Variants in CSMD1 observed in about 807,000 individuals in gnomAD.
CSMD1 encodes the protein CUB and sushi domain-containing protein 1.
A neutral mutation model predicts 417.5 loss-of-function variants in CSMD1; 213 were observed. That is an observed-to-expected ratio of 0.51 (90% confidence interval 0.46 to 0.57). The LOEUF (loss-of-function observed/expected upper bound fraction) is 0.57, where lower values mean the gene tolerates loss of function less well. CSMD1 is among the 20% of genes least tolerant of loss of function. The pLI is 0.00. For missense variants in CSMD1, 6,923 were observed against 4,529.7 expected, an observed-to-expected ratio of 1.53 and a Z score of -15.17; for synonymous variants, 2,862 against 1,736.8, an observed-to-expected ratio of 1.65 and a Z score of -16.11.
At chr8:3,885,998 T>C (rs1030214593) in intron 5 of CSMD1, among the ~76,000 whole-genome samples, 1 of 151,484 alleles carries the variant, frequency 6.6e-6, no homozygotes, top group Non-Finnish European at 1.5e-5. Context: ...TATATATATG[T>C]GTACATATAT....
At chr8:4,703,941 G>C (rs1005577660) in intron 1 of CSMD1, among the ~76,000 whole-genome samples, 1 of 152,116 alleles carries the variant, frequency 6.6e-6, no homozygotes, top group Non-Finnish European at 1.5e-5. Context: ...CTCACAAGTA[G>C]CACACAACCT....
chr8:2,955,448 G>C (rs1802929747), intron 64 of CSMD1, 141 bp downstream of exon 64: 1 of 700,388 alleles, frequency 1.4e-6, no homozygotes. Flanking sequence ...TCACGCACAT[G>C]AAGCACGACT....
At chr8:4,523,944 G>T (rs918480106) in intron 2 of CSMD1, among the ~76,000 whole-genome samples, 1 of 152,056 alleles carries the variant, frequency 6.6e-6, no homozygotes, top group South Asian at 2.1e-4. Flanking sequence ...CTCTGTGAAA[G>T]TCCAGGTGTT....
At chr8:4,454,202 C>G (rs1438296394) in intron 2 of CSMD1, among the ~76,000 whole-genome samples, 1 of 152,090 alleles carries the variant, frequency 6.6e-6, no homozygotes, top group African/African-American at 2.4e-5. Flanking sequence ...CATTAAAACT[C>G]CGTGTCTCCT....
chr8:3,915,847 C>A (rs369472987), intron 5 of CSMD1, among the ~76,000 whole-genome samples: 9 of 147,208 alleles, frequency 6.1e-5, no homozygotes, highest in African/African-American at 2.3e-4. Context: ...ACATATCACC[C>A]CAACTAGAAA....
chr8:4,220,378 C>G (rs1800954837), intron 3 of CSMD1, among the ~76,000 whole-genome samples: 1 of 152,134 alleles, frequency 6.6e-6, no homozygotes. Flanking sequence ...TGAGGAGGAC[C>G]CACAGAGGCC....
At chr8:4,307,351 C>A (rs560306124) in intron 3 of CSMD1, among the ~76,000 whole-genome samples, 2 of 152,216 alleles carry the variant, frequency 1.3e-5, no homozygotes, top group South Asian at 2.1e-4. Context: ...TGAGTCAGAG[C>A]AATGGGAGAG....
rs368382333 is a variant in CSMD1, at chr8:2,974,551, G to C, written c.8640C>G (p.Val2880=). The C allele has an allele frequency of 1.2e-6, 2 of 1,613,354 alleles. No homozygotes were observed. The highest frequency in any genetic ancestry group is 2.2e-5 in the South Asian group (2 of 90,872). ...LTGELFTYGA[V]VHYSCRGSES... ...CGCTCCCTCTGCAGGAGTAGTGCAC[G>C]ACGGCGCCATAGGTAAACAGCTCTC... The change falls in exon 56 of 70, where the codon GTC becomes GTG. Residue 2880 remains valine, a synonymous_variant. Transcript: ENST00000635120.
intron 3 of CSMD1, among the ~76,000 whole-genome samples, chr8:4,074,517 G>A (rs187085946): frequency 6.6e-6 from 1 of 152,050 alleles, no homozygotes. Flanking sequence ...TACAAAACAT[G>A]ATATTTGAGA....
chr8:4,449,252 C>T (rs545148833), intron 2 of CSMD1, among the ~76,000 whole-genome samples: 19 of 152,274 alleles, frequency 1.2e-4, no homozygotes, highest in African/African-American at 4.6e-4. Flanking sequence ...TATTCACACT[C>T]AGGTTGTAAC....
chr8:4,476,677 G>C (rs991960383), intron 2 of CSMD1, among the ~76,000 whole-genome samples: 1 of 152,096 alleles, frequency 6.6e-6, no homozygotes, highest in African/African-American at 2.4e-5. Flanking sequence ...TGGACTCCCA[G>C]GTCAAATGCC....
At chr8:3,862,812 T>C (rs1041874438) in intron 5 of CSMD1, among the ~76,000 whole-genome samples, 3 of 152,226 alleles carry the variant, frequency 2.0e-5, no homozygotes, top group African/African-American at 7.2e-5. Flanking sequence ...CAGCATTGCC[T>C]GCCCTCAAAT....
rs1024602297 is a variant in CSMD1, at chr8:4,145,110, T to C, written c.416-113011A>G. ...TAAAAATGTAACTTGGTTAAGAATA[T>C]AATTACATGGCGCAGATATAATAGT... On this transcript the variant is annotated intron_variant, in intron 3 of 69. Transcript: ENST00000635120. Among the ~76,000 whole-genome samples the C allele has an allele frequency of 2.6e-5, 4 of 151,216 alleles. 1 individual carries two copies. The highest frequency in any genetic ancestry group is 9.9e-5 in the African/African-American group (4 of 40,498).
At chr8:4,441,434 A>C (rs899690639) in intron 2 of CSMD1, among the ~76,000 whole-genome samples, 2 of 151,826 alleles carry the variant, frequency 1.3e-5, no homozygotes, top group South Asian at 2.1e-4. Context: ...CTTTAAGATT[A>C]CTTTCTTAAA....
chr8:3,637,571 T>G (rs1797111434), intron 7 of CSMD1, among the ~76,000 whole-genome samples: 2 of 152,228 alleles, frequency 1.3e-5, no homozygotes, highest in Non-Finnish European at 2.9e-5. Flanking sequence ...TTTTTAATAC[T>G]TTAGTAAAAT....
At chr8:4,465,083 G>A (rs557365545) in intron 2 of CSMD1, among the ~76,000 whole-genome samples, 9 of 152,174 alleles carry the variant, frequency 5.9e-5, no homozygotes, top group African/African-American at 1.9e-4. Flanking sequence ...TACCTGAAAC[G>A]GAACGGTTTT....
chr8:4,118,398 T>C (rs1348248671), intron 3 of CSMD1, among the ~76,000 whole-genome samples: 1 of 141,250 alleles, frequency 7.1e-6, no homozygotes, highest in Non-Finnish European at 1.5e-5. Context: ...CTTAAAGAAA[T>C]TTACAAAAAA....
chr8:3,313,453 A>C (rs1219239586), intron 23 of CSMD1, among the ~76,000 whole-genome samples: 11 of 152,236 alleles, frequency 7.2e-5, no homozygotes, highest in Admixed American at 5.2e-4. Flanking sequence ...TGGGTGAAGG[A>C]TGTGAACAGA....
At chr8:4,767,661 C>T (rs1028991624) in intron 1 of CSMD1, among the ~76,000 whole-genome samples, 6 of 152,174 alleles carry the variant, frequency 3.9e-5, no homozygotes, top group Non-Finnish European at 8.8e-5. Flanking sequence ...CTACATTTAG[C>T]TACCCACAGT....
Sources: gnomAD v4.1 joint callset for allele counts (sites outside exome capture counted in the v4.1 genomes callset) on GRCh38, gnomAD v4.1.1 for gene constraint, MANE v1.5 for transcripts, NCBI Gene and HGNC (gene_info 2026-07-23, HGNC 2026-07-21) for gene names.